Variants in PACRG observed in about 807,000 individuals in gnomAD.
The protein encoded by PACRG is parkin coregulated gene protein.
In PACRG, 29 loss-of-function variants were observed where a neutral mutation model predicts 29.7. The ratio of observed to expected loss-of-function variants is 0.98; its 90% confidence interval spans 0.73 to 1.33. PACRG has a LOEUF of 1.33. PACRG is among the 40% of genes most tolerant of loss of function. The pLI is 0.00. For missense variants in PACRG, 279 were observed against 316.2 expected (o/e 0.88, Z 0.89); for synonymous variants, 116 against 118.7 (o/e 0.98, Z 0.15).
intron 2 of PACRG, among the ~76,000 whole-genome samples, chr6:163,047,509 C>T (rs1192820601): frequency 6.6e-6 from 1 of 152,148 alleles, no homozygotes; most frequent in African/African-American, 2.4e-5. Context: ...AAGTATCATT[C>T]TTTGACTGTT....
chr6:163,174,111 A>T (rs568550619), intron 4 of PACRG, among the ~76,000 whole-genome samples: 2 of 152,206 alleles, frequency 1.3e-5, no homozygotes, highest in African/African-American at 4.8e-5. Flanking sequence ...ATATCCTTTC[A>T]TGATTACTTT....
chr6:162,897,425 G>T (rs972468202), intron 2 of PACRG, among the ~76,000 whole-genome samples: 3 of 152,174 alleles, frequency 2.0e-5, no homozygotes, highest in Non-Finnish European at 4.4e-5. Context: ...TGCCTGATGC[G>T]TTCTTTCCAG....
At chr6:162,912,430 C>T (rs770626890) in intron 2 of PACRG, among the ~76,000 whole-genome samples, 1 of 152,184 alleles carries the variant, frequency 6.6e-6, no homozygotes, top group East Asian at 1.9e-4. Context: ...AAGCAGTGCA[C>T]AAGTATTGCG....
chr6:163,012,934 C>T (rs1469726858), intron 2 of PACRG, among the ~76,000 whole-genome samples: 1 of 152,072 alleles, frequency 6.6e-6, no homozygotes, highest in African/African-American at 2.4e-5. Context: ...AAAACAGTAG[C>T]CAATATCTAT....
At chr6:163,111,040 C>G (rs1815685963) in intron 4 of PACRG, among the ~76,000 whole-genome samples, 1 of 152,244 alleles carries the variant, frequency 6.6e-6, no homozygotes, top group South Asian at 2.1e-4. Flanking sequence ...CTTCTTACAT[C>G]TGTTTTTCTT....
At chr6:162,734,986 A>T (rs1431650697) in intron 1 of PACRG, among the ~76,000 whole-genome samples, 1 of 152,192 alleles carries the variant, frequency 6.6e-6, no homozygotes. Flanking sequence ...GGAATCATAA[A>T]GTATGTAATT....
In PACRG at chr6:163,055,640, GTTAT is replaced by G. The variant is rs890368189; in HGVS notation, c.292-6507_292-6504del. Among the ~76,000 whole-genome samples the G allele has an allele frequency of 2.0e-5, 3 of 152,176 alleles. No individual in the cohort carries two copies. Among genetic ancestry groups the G allele is most frequent in the Non-Finnish European group, 2.9e-5 (2 of 67,994 alleles). On this transcript the variant is annotated intron_variant, in intron 2 of 4. Coordinates refer to ENST00000366888, the MANE Select transcript of PACRG (RefSeq NM_001080379.2). The surrounding 1 kb of genome is among the most constrained non-coding windows in gnomAD (Gnocchi z 4.0). ...CAAATTGTTATTCTATTATTTTGTT[GTTAT>G]TTGTTTTTTATTGTTTTATTTTTTC... is the stretch of plus-strand genomic sequence containing the variant.
At position 163,089,377 on chromosome 6, in the gene PACRG, C is replaced by T. The variant is rs781378429; in HGVS notation, c.582C>T (p.Leu194=). 4.3e-6 allele frequency: 7 copies of T among 1,614,070 alleles called. No individual in the cohort carries two copies. The Admixed American group carries it at 1.0e-4, about 23-fold the overall frequency. Residue 194 remains leucine, a synonymous_variant, in exon 4 of 5, where the codon CTC becomes CTT. Coordinates refer to ENST00000366888, the MANE Select transcript of PACRG (RefSeq NM_001080379.2). The part of the protein sequence containing the change: ...KALVPYYRQI[L]PVLNIFKNMN... ...TGGTGCCTTATTACCGTCAAATCCTCCCTGTCCTGAACATCTTTAAGAATA... is the reference window on the plus strand; with the variant it reads ...TGGTGCCTTATTACCGTCAAATCCTTCCTGTCCTGAACATCTTTAAGAATA...
At chr6:162,768,654 C>A (rs145097549) in intron 1 of PACRG, among the ~76,000 whole-genome samples, 2 of 152,098 alleles carry the variant, frequency 1.3e-5, no homozygotes, top group African/African-American at 4.8e-5. Context: ...ATTATGGATT[C>A]TCTCTTCAGC....
In PACRG at chr6:163,274,861, C is replaced by CTTTTTTT. The variant is rs58333018; in HGVS notation, c.614-39956_614-39950dup. Among the ~76,000 whole-genome samples, 139 of 126,286 alleles carry CTTTTTTT rather than the reference C, an allele frequency of 1.1e-3. 1 individual carries two copies. Among genetic ancestry groups the CTTTTTTT allele is most frequent in the Non-Finnish European group, 1.5e-3 (92 of 62,100 alleles). The allele number at this position is 126,286 out of a possible 152,430, so 82.8% of individuals were successfully genotyped here. Reference sequence around the variant, plus strand: ...TTCTTTTTCTTTTCTTTCTTTCTTTCTTTTTTTTTTTTTTTTGAGATAGAG... The same window carrying CTTTTTTT: ...TTCTTTTTCTTTTCTTTCTTTCTTTCTTTTTTTTTTTTTTTTTTTTTTTGAGATAGAG... On this transcript the variant is annotated intron_variant, in intron 4 of 4. Transcript: ENST00000366888.
intron 2 of PACRG, among the ~76,000 whole-genome samples, chr6:162,919,346 C>A (rs377066629): frequency 2.0e-5 from 3 of 152,090 alleles, no homozygotes; most frequent in Non-Finnish European, 2.9e-5. Context: ...GGTCCAGATA[C>A]GAAGTTGGGT....
At chr6:162,919,346 C>T (rs377066629) in intron 2 of PACRG, among the ~76,000 whole-genome samples, 3 of 152,208 alleles carry the variant, frequency 2.0e-5, no homozygotes, top group East Asian at 1.9e-4. Context: ...GGTCCAGATA[C>T]GAAGTTGGGT....
intron 2 of PACRG, among the ~76,000 whole-genome samples, chr6:162,899,145 T>C (rs1185193644): frequency 6.6e-6 from 1 of 152,190 alleles, no homozygotes; most frequent in East Asian, 1.9e-4. Context: ...CTTCTTTTTG[T>C]GTGCTGAGGG....
At chr6:162,871,044 A>G (rs1166891148) in intron 2 of PACRG, among the ~76,000 whole-genome samples, 1 of 152,224 alleles carries the variant, frequency 6.6e-6, no homozygotes, top group Non-Finnish European at 1.5e-5. Flanking sequence ...TAATCAAGGA[A>G]AGGCATAATT....
intron 4 of PACRG, among the ~76,000 whole-genome samples, chr6:163,256,783 T>C (rs1458209152): frequency 6.6e-6 from 1 of 152,158 alleles, no homozygotes; most frequent in Admixed American, 6.5e-5. Context: ...GTCCATGTCC[T>C]GGGGATGCTG....
At chr6:163,176,272 T>A (rs1278389155) in intron 4 of PACRG, among the ~76,000 whole-genome samples, 1 of 152,262 alleles carries the variant, frequency 6.6e-6, no homozygotes, top group East Asian at 1.9e-4. Flanking sequence ...TGGTTCTCTT[T>A]TCCTGCTCAC....
chr6:163,032,498 C>T (rs190695902), intron 2 of PACRG, among the ~76,000 whole-genome samples: 59 of 152,268 alleles, frequency 3.9e-4, no homozygotes, highest in African/African-American at 1.4e-3. Flanking sequence ...AGAACAGCCA[C>T]AGTCAAAAAC....
At chr6:163,049,755 A>G (rs766190812) in intron 2 of PACRG, among the ~76,000 whole-genome samples, 1 of 152,098 alleles carries the variant, frequency 6.6e-6, no homozygotes, top group Non-Finnish European at 1.5e-5. Context: ...TTTAACTATA[A>G]TATTGTTAAA....
rs929160310 is a variant in PACRG, at chr6:163,284,908, T to C, written c.614-29919T>C. Among the ~76,000 whole-genome samples, 19 of 152,338 alleles carry C rather than the reference T, an allele frequency of 1.2e-4. No homozygotes were observed. The East Asian group carries it at 3.5e-3, about 28-fold the overall frequency. On this transcript the variant is annotated intron_variant, in intron 4 of 4. Transcript: ENST00000366888. ...TCAACACCATGTTCTAGCTGTTTTT[T>C]AATTTTCCAAAATAGGTCTTCATTT... is the stretch of plus-strand genomic sequence containing the variant.
Sources: allele counts gnomAD v4.1 joint callset (sites outside exome capture counted in the v4.1 genomes callset), GRCh38; gene constraint gnomAD v4.1.1; non-coding constraint Gnocchi (gnomAD v3.1); transcripts MANE v1.5; gene names NCBI Gene and HGNC (gene_info 2026-07-23, HGNC 2026-07-21).